Variants in NHSL1 observed in about 807,000 individuals in gnomAD.
The protein encoded by NHSL1 is NHS-like protein 1.
Under a neutral mutation model 95.0 loss-of-function variants are expected in NHSL1, and 48 were observed. The ratio of observed to expected loss-of-function variants is 0.51; its 90% CI spans 0.40 to 0.64. The LOEUF (loss-of-function observed/expected upper bound fraction) is 0.64, where lower values mean the gene tolerates loss of function less well. Ranked by LOEUF, NHSL1 falls within the 30% of genes least tolerant of loss-of-function variation. The pLI, the probability that NHSL1 is intolerant of heterozygous loss-of-function variation, is 0.00. For synonymous variants in NHSL1, 783 were observed against 833.9 expected (o/e 0.94, Z 1.05); for missense variants, 1,971 against 2,077.7 (o/e 0.95, Z 1.00).
rs1430845172 is a variant in NHSL1 at position 138,424,635 on chromosome 6, G to A, written c.4267C>T (p.Leu1423=). The A allele has an allele frequency of 1.7e-5, 27 of 1,551,496 alleles. No homozygotes were observed. The highest frequency in any genetic ancestry group is 2.4e-5 in the Non-Finnish European group (27 of 1,146,994). ...TCTGAACGACTGCCCTTTTTCAGCAGCAGAGCTTTGAAGTTGTCACTGCTG... is the reference window on the plus strand; with the variant it reads ...TCTGAACGACTGCCCTTTTTCAGCAACAGAGCTTTGAAGTTGTCACTGCTG... ...STSSDNFKAL[L]LKKGSRSDTS... Residue 1423 remains leucine, a synonymous_variant, in exon 8 of 8, where the codon CTG becomes TTG. Transcript: ENST00000343505. This position sits in a 1 kb window ranked among gnomAD's most constrained non-coding sequence, Gnocchi z 5.9.
chr6:138,484,316 C>T (rs1298809024), intron 2 of NHSL1, among the ~76,000 whole-genome samples: 1 of 152,034 alleles, frequency 6.6e-6, no homozygotes, highest in Admixed American at 6.5e-5. Context: ...AGAATGCTAC[C>T]TTTGAAATGG....
chr6:138,655,262 T>G (rs1376764412), intron 1 of NHSL1, among the ~76,000 whole-genome samples: 1 of 152,208 alleles, frequency 6.6e-6, no homozygotes, highest in East Asian at 1.9e-4. Context: ...ACAATAACAC[T>G]ACCTCTGTTT....
rs141195256 is a variant in NHSL1, at chr6:138,525,528, AAAATAAATAAATAAATAAATAAATAAAT to A, written c.16+20067_16+20094del. On this transcript the variant is annotated intron_variant, in intron 1 of 4. Transcript: ENST00000342260. Reference sequence around the variant, plus strand: ...GAACAACGAAGTGAGACCTTGTCTCAAAATAAATAAATAAATAAATAAATAAATAAATAAATAAATAAATAAATAAAAA... The same window carrying A: ...GAACAACGAAGTGAGACCTTGTCTCAAAATAAATAAATAAATAAATAAAAA... Among the ~76,000 whole-genome samples the A allele has an allele frequency of 4.3e-3, 607 of 139,654 alleles. 3 individuals are homozygous for A. Among genetic ancestry groups the A allele is most frequent in the African/African-American group, 0.015 (553 of 37,648 alleles). The allele number at this position is 139,654 out of a possible 152,430, so 91.6% of individuals were successfully genotyped here.
At chr6:138,453,037 G>A (rs1269895183) in intron 3 of NHSL1, among the ~76,000 whole-genome samples, 4 of 151,136 alleles carry the variant, frequency 2.6e-5, no homozygotes, top group Non-Finnish European at 5.9e-5. Flanking sequence ...GTGTAGTGGC[G>A]CAATCTTGGC....
chr6:138,633,940 T>A (rs1378514473), intron 1 of NHSL1, among the ~76,000 whole-genome samples: 1 of 152,106 alleles, frequency 6.6e-6, no homozygotes, highest in East Asian at 1.9e-4. Context: ...GGGGATAAAG[T>A]TAAGACATAG....
At chr6:138,657,907 T>C (rs1395475086) in intron 1 of NHSL1, among the ~76,000 whole-genome samples, 1 of 150,312 alleles carries the variant, frequency 6.7e-6, no homozygotes, top group Non-Finnish European at 1.5e-5. Flanking sequence ...AAGATATAAT[T>C]AAATATAAGA....
chr6:138,634,355 G>T (rs1184127296), intron 1 of NHSL1, among the ~76,000 whole-genome samples: 6 of 151,994 alleles, frequency 3.9e-5, no homozygotes, highest in Admixed American at 3.9e-4. Context: ...AAAAATAAAT[G>T]GATAGAAAAA....
At chr6:138,654,902 A>C (rs571233150) in intron 1 of NHSL1, among the ~76,000 whole-genome samples, 67 of 152,368 alleles carry the variant, frequency 4.4e-4, no homozygotes, top group Admixed American at 9.8e-4. Flanking sequence ...AGGGGTGTGC[A>C]CATGAATGAT....
chr6:138,496,760 C>T (rs1165244693), intron 1 of NHSL1, among the ~76,000 whole-genome samples: 1 of 152,176 alleles, frequency 6.6e-6, no homozygotes, highest in Non-Finnish European at 1.5e-5. Flanking sequence ...AATGCCATCG[C>T]AACAGTAAAT....
chr6:138,621,353 C>T (rs1274260629), intron 1 of NHSL1, among the ~76,000 whole-genome samples: 2 of 152,162 alleles, frequency 1.3e-5, no homozygotes, highest in Non-Finnish European at 2.9e-5. Context: ...ACTGAAAGAA[C>T]AGTGGAGAAC....
intron 1 of NHSL1, among the ~76,000 whole-genome samples, chr6:138,591,105 C>T (rs1784218223): frequency 6.6e-6 from 1 of 152,078 alleles, no homozygotes; most frequent in African/African-American, 2.4e-5. Flanking sequence ...GCATGGAGCA[C>T]TCAGGAGGCA....
upstream of NHSL1, chr6:138,545,729 G>A (rs1015821103): frequency 2.8e-5 from 35 of 1,262,998 alleles, no homozygotes; most frequent in Admixed American, 1.3e-4. Context: ...CCTCCTCAGC[G>A]CTCACTGCCA....
chr6:138,504,656 G>C (rs1298723063), intron 1 of NHSL1, among the ~76,000 whole-genome samples: 4 of 152,176 alleles, frequency 2.6e-5, no homozygotes, highest in Non-Finnish European at 4.4e-5. Context: ...AGTGGTAGGT[G>C]GTGGCAAGGG....
intron 1 of NHSL1, chr6:138,545,489 C>T (rs1465838088): frequency 1.3e-5 from 7 of 549,314 alleles, no homozygotes; most frequent in Non-Finnish European, 2.0e-5. Flanking sequence ...ATGACTTTTT[C>T]ACTTTCATAC....
rs1780555902 is a variant in NHSL1 at position 138,499,446 on chromosome 6, G to A, written c.-156C>T. The A allele has an allele frequency of 7.1e-7, 1 of 1,408,210 alleles. No homozygotes were observed. Among genetic ancestry groups the A allele is most frequent in the Middle Eastern group, 2.6e-4 (1 of 3,870 alleles). The allele number at this position is 1,408,210 out of a possible 1,614,324, so 87.2% of individuals were successfully genotyped here. A position where few individuals can be genotyped will look rare whatever the true frequency, so the allele number is the denominator to read the frequency against. On this transcript the variant is annotated 5_prime_UTR_variant, in exon 1 of 8. Transcript: ENST00000343505. ...ATCTGCCCAGGCTGATGTAACTGAG[G>A]TTGAGTTTATTGTCAGGCAGTTACA... is the stretch of plus-strand genomic sequence containing the variant.
At position 138,441,973 on chromosome 6, in the gene NHSL1, T is replaced by C. The variant is rs1462490347; in HGVS notation, c.664+10A>G. 1.2e-5 allele frequency: 19 copies of C among 1,547,258 alleles called. No homozygotes were observed. Among genetic ancestry groups the C allele is most frequent in the East Asian group, 2.5e-5 (1 of 40,720 alleles). On this transcript the variant is annotated intron_variant, in intron 5 of 7. Transcript: ENST00000343505. ...GAAGGGCAACAGAATACAGTTCTGATGAGCCATACCTAGCTCCTTCTGTAT... is the reference window on the plus strand; with the variant it reads ...GAAGGGCAACAGAATACAGTTCTGACGAGCCATACCTAGCTCCTTCTGTAT...
intron 3 of NHSL1, among the ~76,000 whole-genome samples, chr6:138,464,863 C>G (rs1009945635): frequency 6.6e-6 from 1 of 151,312 alleles, no homozygotes; most frequent in African/African-American, 2.4e-5. Context: ...CAGGTGCGTG[C>G]CACCACGCCT....
At chr6:138,535,129 G>A (rs968462476) in intron 1 of NHSL1, among the ~76,000 whole-genome samples, 2 of 152,130 alleles carry the variant, frequency 1.3e-5, no homozygotes, top group African/African-American at 4.8e-5. Context: ...AGGCTATAAA[G>A]GGAAGCTATT....
intron 1 of NHSL1, among the ~76,000 whole-genome samples, chr6:138,531,451 G>T (rs1230164618): frequency 6.6e-6 from 1 of 151,892 alleles, no homozygotes; most frequent in African/African-American, 2.4e-5. Context: ...AGGGGGCAGG[G>T]TAACGCTTTC....
Sources: allele counts gnomAD v4.1 joint callset (sites outside exome capture counted in the v4.1 genomes callset), GRCh38; gene constraint gnomAD v4.1.1; non-coding constraint Gnocchi (gnomAD v3.1); transcripts MANE v1.5; gene names NCBI Gene and HGNC (gene_info 2026-07-23, HGNC 2026-07-21).